ALKBH8: variants seen among roughly 807,000 people sequenced by gnomAD.
ALKBH8 encodes alkB homolog 8, tRNA methyltransferase, also known as tRNA (carboxymethyluridine(34)-5-O)-methyltransferase ALKBH8.
In ALKBH8, 36 loss-of-function variants were observed where a neutral mutation model predicts 59.8. The observed-to-expected ratio is 0.60, with a 90% CI of 0.46 to 0.79. ALKBH8 has a LOEUF of 0.79. ALKBH8 is among the 30% of genes least tolerant of loss of function. The pLI, the probability that ALKBH8 is intolerant of heterozygous loss-of-function variation, is 0.00. For synonymous variants in ALKBH8, 276 were observed against 273.6 expected, an observed-to-expected ratio of 1.01 and a Z score of -0.09; for missense variants, 768 against 801.0, an observed-to-expected ratio of 0.96 and a Z score of 0.50.
intron 5 of ALKBH8, 117 bp from the exon 6 acceptor site, chr11:107,552,029 C>A: frequency 2.3e-6 from 1 of 437,152 alleles, no homozygotes; most frequent in Admixed American, 4.5e-5. Flanking sequence ...GCAGTCAGGT[C>A]CATTAATAAA....
At chr11:107,547,399 G>A (rs893829053) in intron 7 of ALKBH8, among the ~76,000 whole-genome samples, 2 of 152,174 alleles carry the variant, frequency 1.3e-5, no homozygotes, top group African/African-American at 2.4e-5. Flanking sequence ...GGGAACATGA[G>A]CTTCCTCCTG....
chr11:107,515,855 C>T (rs1161986647), intron 10 of ALKBH8, among the ~76,000 whole-genome samples: 1 of 152,100 alleles, frequency 6.6e-6, no homozygotes, highest in African/African-American at 2.4e-5. Flanking sequence ...AGAACTTCCT[C>T]TCATACAAAA....
At chr11:107,505,860 T>G (rs188508636) in intron 11 of ALKBH8, among the ~76,000 whole-genome samples, 138 of 152,332 alleles carry the variant, frequency 9.1e-4, no homozygotes, top group African/African-American at 3.2e-3. Flanking sequence ...CTTAGTGGCC[T>G]GAACAGATAG....
chr11:107,534,386 T>C (rs1266471283), intron 7 of ALKBH8, among the ~76,000 whole-genome samples: 2 of 152,224 alleles, frequency 1.3e-5, no homozygotes, highest in Non-Finnish European at 2.9e-5. Flanking sequence ...TAGACTCTAA[T>C]TTGTTAGACA....
At chr11:107,548,497 G>A (rs1864357401) in intron 7 of ALKBH8, among the ~76,000 whole-genome samples, 6 of 152,186 alleles carry the variant, frequency 3.9e-5, no homozygotes, top group Admixed American at 3.9e-4. Flanking sequence ...TAGAAGCAAG[G>A]ATGGGGGGTA....
chr11:107,513,512 C>T (rs917196627), intron 10 of ALKBH8, among the ~76,000 whole-genome samples: 2 of 152,190 alleles, frequency 1.3e-5, no homozygotes, highest in African/African-American at 2.4e-5. Flanking sequence ...AAGAGAATTA[C>T]CATTCGACCC....
chr11:107,552,496 C>G (rs1427330463), intron 5 of ALKBH8, among the ~76,000 whole-genome samples: 1 of 151,910 alleles, frequency 6.6e-6, no homozygotes, highest in Non-Finnish European at 1.5e-5. Context: ...AAAAAACTGG[C>G]AAAGAATATA....
In ALKBH8 at chr11:107,505,018, C is replaced by T. The variant is rs1190353785; in HGVS notation, c.1635G>A (p.Met545Ile). 1.9e-6 allele frequency: 3 copies of T among 1,551,646 alleles called. No homozygotes were observed. Among genetic ancestry groups the T allele is most frequent in the Non-Finnish European group, 2.6e-6 (3 of 1,146,982 alleles). Reference protein sequence around the residue: ...TSVQRSLVEQMRDMGSRDSAS... With the variant: ...TSVQRSLVEQIRDMGSRDSAS... Reference sequence around the variant, plus strand: ...CCGAGTCTCGACTGCCCATGTCACGCATTTGCTCCACAAGTGACCTCTGCA... The same window carrying T: ...CCGAGTCTCGACTGCCCATGTCACGTATTTGCTCCACAAGTGACCTCTGCA... Residue 545 changes from methionine (M) to isoleucine (I), a missense_variant, in exon 12 of 12, where the codon ATG becomes ATA. Physicochemically the swap from Met to Ile is conservative, Grantham distance 10 (BLOSUM62 1). Coordinates refer to ENST00000428149, the MANE Select transcript of ALKBH8 (RefSeq NM_138775.3).
intron 7 of ALKBH8, among the ~76,000 whole-genome samples, chr11:107,537,893 T>A (rs1048753185): frequency 1.3e-5 from 2 of 152,184 alleles, no homozygotes; most frequent in African/African-American, 4.8e-5. Flanking sequence ...TTTGACAAGA[T>A]GAGAAAGACC....
At chr11:107,509,580 C>T (rs751800353) in intron 11 of ALKBH8, among the ~76,000 whole-genome samples, 6 of 152,092 alleles carry the variant, frequency 3.9e-5, no homozygotes, top group Non-Finnish European at 5.9e-5. Context: ...CCAAATACAA[C>T]GTCATGAAGG....
chr11:107,548,835 T>C (rs1192209511), intron 7 of ALKBH8, among the ~76,000 whole-genome samples: 2 of 148,426 alleles, frequency 1.3e-5, no homozygotes, highest in Non-Finnish European at 3.0e-5. Context: ...TCTTCCAGAT[T>C]TAAAATTCTG....
Position 107,563,091 on chromosome 11 carries a change from TAC to T in ALKBH8, c.-6-2194_-6-2193del, listed in dbSNP as rs559230745. On this transcript the variant is annotated intron_variant, in intron 1 of 11. Transcript: ENST00000428149. Reference sequence around the variant, plus strand: ...GAATAATGTTTAAGGTATTGTGAGATACAGAGTTGCAATGTCTGGCTGGCAAG... The same window carrying T: ...GAATAATGTTTAAGGTATTGTGAGATAGAGTTGCAATGTCTGGCTGGCAAG... Among the ~76,000 whole-genome samples the T allele has an allele frequency of 2.1e-4, 32 of 152,204 alleles. 1 individual carries two copies. In the East Asian group the frequency reaches 5.6e-3, roughly 27 times the overall value.
At position 107,513,172 on chromosome 11, in the gene ALKBH8, A is replaced by T. The variant is rs187580895; in HGVS notation, c.1288-2136T>A. Among the ~76,000 whole-genome samples, 232 of 152,366 alleles carry T rather than the reference A, an allele frequency of 1.5e-3. 2 individuals are homozygous for T. The highest frequency in any genetic ancestry group is 4.9e-3 in the African/African-American group (203 of 41,590). ...TGGATCTGACAAAGGTCTAATATGC[A>T]GAATCTATAAGGAACTTAAACAAAT... On this transcript the variant is annotated intron_variant, in intron 10 of 11. Coordinates refer to ENST00000428149, the MANE Select transcript of ALKBH8 (RefSeq NM_138775.3).
chr11:107,565,501 A>T, intron 1 of ALKBH8, 100 bp downstream of exon 1: 2 of 1,510,584 alleles, frequency 1.3e-6, no homozygotes, highest in South Asian at 2.4e-5. Context: ...CTAGGTTCTC[A>T]GCCCTAGCTG....
intron 4 of ALKBH8, 151 bp from the exon 5 acceptor site, chr11:107,553,354 C>T: frequency 1.9e-6 from 1 of 539,614 alleles, no homozygotes; most frequent in Non-Finnish European, 3.2e-6. Context: ...AACCATTTTG[C>T]CTTATATTTG....
intron 6 of ALKBH8, among the ~76,000 whole-genome samples, chr11:107,551,313 T>A (rs1864481049): frequency 6.6e-6 from 1 of 152,226 alleles, no homozygotes; most frequent in Non-Finnish European, 1.5e-5. Context: ...CCTCAAGGGA[T>A]TAAAGTGTAG....
At chr11:107,562,558 G>A (rs1378164893) in intron 1 of ALKBH8, 2 of 151,992 alleles carry the variant, frequency 1.3e-5, no homozygotes, top group East Asian at 3.9e-4. Context: ...AAATTTGGGG[G>A]TTAAATAAAA....
intron 9 of ALKBH8, among the ~76,000 whole-genome samples, chr11:107,524,173 C>G (rs1326121919): frequency 2.6e-5 from 4 of 152,064 alleles, no homozygotes; most frequent in African/African-American, 9.7e-5. Context: ...ATCCTCCCGC[C>G]TCAGCTTTCC....
rs1240540038 is a variant in ALKBH8 at position 107,504,201 on chromosome 11, T to C, written c.*457A>G. ...GCCCTGGGCTAGTCAGGCATGGAAA[T>C]AGAATGGTTATTGTCTATGATTTTA... is the stretch of plus-strand genomic sequence containing the variant. On this transcript the variant is annotated 3_prime_UTR_variant, in exon 12 of 12. Transcript: ENST00000428149. The C allele has an allele frequency of 5.9e-6, 2 of 337,868 alleles. No homozygotes were observed. The highest frequency in any genetic ancestry group is 4.3e-5 in the African/African-American group (2 of 46,466). 20.9% of individuals were successfully genotyped at this position (337,868 alleles called of 1,614,324 possible).
Sources: allele counts gnomAD v4.1 joint callset (sites outside exome capture counted in the v4.1 genomes callset), GRCh38; gene constraint gnomAD v4.1.1; transcripts MANE v1.5; gene names NCBI Gene and HGNC (gene_info 2026-07-23, HGNC 2026-07-21).